DAB1: variants seen among roughly 807,000 people sequenced by gnomAD.
DAB1 encodes the protein DAB adaptor protein 1, also known as disabled homolog 1.
Under a neutral mutation model 64.6 loss-of-function variants are expected in DAB1, and 15 were observed. The observed-to-expected ratio is 0.23, with a 90% CI of 0.16 to 0.36. The LOEUF is 0.36. Among genes scored for constraint, DAB1 ranks in the 10% least tolerant of loss-of-function variants. The probability of loss-of-function intolerance (pLI) is 1.00; values close to 1 mark genes in which losing one functional copy is unlikely to be tolerated. For missense variants in DAB1, 596 were observed against 706.7 expected (o/e 0.84, Z 1.78); for synonymous variants, 235 against 251.9 (o/e 0.93, Z 0.64).
chr1:58,440,657 C>T lies in DAB1; in HGVS notation n.257+65403G>A, dbSNP rs535078835. Reference sequence around the variant, plus strand: ...TAATGAAATAAGTGTTTATCAGACACATAGCTAATATTTGTTGAATTCTCA... The same window carrying T: ...TAATGAAATAAGTGTTTATCAGACATATAGCTAATATTTGTTGAATTCTCA... On this transcript the variant is annotated intron_variant and non_coding_transcript_variant, in intron 3 of 20. Coordinates refer to the DAB1 transcript ENST00000485760. 2.0e-5 allele frequency among the ~76,000 whole-genome samples: 3 copies of T among 152,286 alleles called. 1 individual carries two copies. The South Asian group carries it at 6.2e-4, about 32-fold the overall frequency.
intron 4 of DAB1, among the ~76,000 whole-genome samples, chr1:58,311,779 C>T (rs61386733): frequency 1.4e-3 from 208 of 152,228 alleles, no homozygotes; most frequent in African/African-American, 4.8e-3. Flanking sequence ...AGTGCTACCC[C>T]AGTAAGTCTC....
chr1:58,301,138 G>C (rs922489904), intron 4 of DAB1, among the ~76,000 whole-genome samples: 1 of 150,026 alleles, frequency 6.7e-6, no homozygotes, highest in Non-Finnish European at 1.5e-5. Context: ...GCAACCACTA[G>C]ATCACCTGTG....
intron 1 of DAB1, among the ~76,000 whole-genome samples, chr1:57,301,779 A>G (rs1466700934): frequency 6.6e-6 from 1 of 152,142 alleles, no homozygotes; most frequent in Admixed American, 6.5e-5. Context: ...CCACTTCACG[A>G]GTGCCCTGGG....
chr1:57,734,116 A>G lies in DAB1; in HGVS notation n.552-84451T>C, dbSNP rs140836812. 1.5e-3 allele frequency among the ~76,000 whole-genome samples: 225 copies of G among 152,296 alleles called. 2 individuals carry two copies. The highest frequency in any genetic ancestry group is 0.01 in the Middle Eastern group (3 of 294). Reference sequence around the variant, plus strand: ...GTGGACTCAGGAGGCGTGGATAAAAAAAAAAATCCAGTCTTTTATCTTGAA... The same window carrying G: ...GTGGACTCAGGAGGCGTGGATAAAAGAAAAAATCCAGTCTTTTATCTTGAA... On this transcript the variant is annotated intron_variant and non_coding_transcript_variant, in intron 6 of 20. Coordinates refer to the DAB1 transcript ENST00000485760.
intron 7 of DAB1, among the ~76,000 whole-genome samples, chr1:57,516,206 G>T (rs1056927610): frequency 7.9e-5 from 12 of 152,164 alleles, no homozygotes; most frequent in African/African-American, 2.7e-4. Context: ...ACATGATATT[G>T]GGACCAATGA....
At chr1:58,482,845 G>A (rs904168140) in intron 3 of DAB1, among the ~76,000 whole-genome samples, 1 of 152,108 alleles carries the variant, frequency 6.6e-6, no homozygotes, top group Admixed American at 6.6e-5. Flanking sequence ...GAGCAGGGTG[G>A]AGGGCAGGAG....
chr1:58,451,254 A>G (rs907221036), intron 3 of DAB1, among the ~76,000 whole-genome samples: 3 of 152,048 alleles, frequency 2.0e-5, no homozygotes, highest in Admixed American at 6.6e-5. Flanking sequence ...ACACCCAGCT[A>G]ATTTTTTATT....
chr1:57,359,296 T>G (rs988017540), intron 1 of DAB1, among the ~76,000 whole-genome samples: 1 of 151,476 alleles, frequency 6.6e-6, no homozygotes, highest in Admixed American at 6.6e-5. Context: ...AATAAACATC[T>G]CTCAAAAGAA....
rs557173063 is a variant in DAB1, at chr1:57,214,726, T to C, written c.68-69297A>G. Among the ~76,000 whole-genome samples, 19 of 151,750 alleles carry C rather than the reference T, an allele frequency of 1.3e-4. 1 individual carries two copies. Among genetic ancestry groups the C allele is most frequent in the African/African-American group, 4.1e-4 (17 of 41,404 alleles). On this transcript the variant is annotated intron_variant, in intron 2 of 14. Transcript: ENST00000371236. ...GAGATCGAGACCATCCTGGCTAACA[T>C]GGTGAAACCCTGTCTTTACTAAAAA...
At position 57,145,299 on chromosome 1, in the gene DAB1, C is replaced by T. The variant is rs1432751295; in HGVS notation, c.198G>A (p.Met66Ile). Residue 66 changes from methionine to isoleucine, a missense_variant, in exon 3 of 15, where the codon ATG becomes ATA. This residue lies in a region of DAB1 where 176 missense variants were observed against 266.7 expected (regional missense o/e 0.66). Transcript: ENST00000371236. ...AACGTTTGCATAGCACCTTGAGTTT[C>T]ATCATGGAATCTTGACATAACTTGT... The part of the protein sequence containing the change: ...RGDKLCQDSM[M>I]KLKGVVAGAR... 11 of 1,613,932 alleles carry T rather than the reference C, an allele frequency of 6.8e-6. No homozygotes were observed. Among genetic ancestry groups the T allele is most frequent in the Non-Finnish European group, 9.3e-6 (11 of 1,179,948 alleles).
chr1:57,904,296 T>C (rs940558855), intron 5 of DAB1, among the ~76,000 whole-genome samples: 3 of 152,184 alleles, frequency 2.0e-5, no homozygotes, highest in African/African-American at 7.2e-5. Flanking sequence ...CCTCAAATCC[T>C]TGCCTCTCCT....
At chr1:58,389,252 A>T (rs982133168) in intron 3 of DAB1, among the ~76,000 whole-genome samples, 4 of 152,220 alleles carry the variant, frequency 2.6e-5, no homozygotes, top group Admixed American at 2.6e-4. Flanking sequence ...AGCCAGGGCA[A>T]CATACAAAGA....
At chr1:57,410,094 A>G (rs747847209) in intron 1 of DAB1, among the ~76,000 whole-genome samples, 4 of 152,232 alleles carry the variant, frequency 2.6e-5, no homozygotes, top group Non-Finnish European at 5.9e-5. Flanking sequence ...TAAAAAGGAA[A>G]GAAAGGAAGA....
intron 4 of DAB1, among the ~76,000 whole-genome samples, chr1:58,200,436 AG>A (rs139532614): frequency 0.012 from 1,818 of 152,284 alleles, 37 homozygotes; most frequent in African/African-American, 0.042. Flanking sequence ...TGGTTTAGCT[AG>A]TTTTTTGCCT....
intron 7 of DAB1, among the ~76,000 whole-genome samples, chr1:57,472,837 T>C (rs967449597): frequency 7.2e-5 from 11 of 152,206 alleles, no homozygotes; most frequent in Admixed American, 4.6e-4. Context: ...TCTACTCTTA[T>C]CATTTGCCTT....
intron 7 of DAB1, among the ~76,000 whole-genome samples, chr1:57,492,016 T>C (rs1190708770): frequency 2.0e-5 from 3 of 152,150 alleles, no homozygotes; most frequent in Non-Finnish European, 4.4e-5. Flanking sequence ...AGAATGAGTG[T>C]TGAAAAAGAA....
At chr1:57,657,627 G>GA (rs538084888) in intron 6 of DAB1, among the ~76,000 whole-genome samples, 6 of 152,178 alleles carry the variant, frequency 3.9e-5, no homozygotes, top group Non-Finnish European at 4.4e-5. Flanking sequence ...ACAAGTGGAG[G>GA]CATCTAGAAG....
chr1:57,243,770 G>T (rs990055468), intron 2 of DAB1, among the ~76,000 whole-genome samples: 1 of 152,108 alleles, frequency 6.6e-6, no homozygotes, highest in Non-Finnish European at 1.5e-5. Context: ...CATAAGCAGC[G>T]CTGGTGGTCG....
chr1:57,033,111 G>A (rs1417080920), intron 9 of DAB1, among the ~76,000 whole-genome samples: 1 of 151,968 alleles, frequency 6.6e-6, no homozygotes, highest in East Asian at 1.9e-4. Context: ...TTAGAGGTTT[G>A]AAAAATATTG....
Sources: gnomAD v4.1 joint callset for allele counts (sites outside exome capture counted in the v4.1 genomes callset) on GRCh38, gnomAD v4.1.1 for gene constraint, gnomAD v4.1.1 regional missense constraint, MANE v1.5 for transcripts, NCBI Gene and HGNC (gene_info 2026-07-23, HGNC 2026-07-21) for gene names.